SLC26A5: variants seen among roughly 807,000 people sequenced by gnomAD.
SLC26A5 encodes the protein prestin.
Under a neutral mutation model 81.0 loss-of-function variants are expected in SLC26A5, and 51 were observed. That is an observed-to-expected ratio of 0.63 (90% CI 0.50 to 0.80). The LOEUF (loss-of-function observed/expected upper bound fraction) is 0.80, where lower values mean the gene tolerates loss of function less well. Ranked by LOEUF, SLC26A5 falls within the 30% of genes least tolerant of loss-of-function variation. SLC26A5 has a pLI of 0.00. For missense variants in SLC26A5, 771 were observed against 905.8 expected (o/e 0.85, Z 1.91); for synonymous variants, 325 against 332.8 (o/e 0.98, Z 0.25).
intron 19 of SLC26A5, among the ~76,000 whole-genome samples, chr7:103,374,817 T>C (rs1821237493): frequency 6.6e-6 from 1 of 151,082 alleles, no homozygotes; most frequent in African/African-American, 2.4e-5. Context: ...ATAGTTTAAA[T>C]ATTAAAATGC....
At chr7:103,395,508 T>TAC (rs1823024925) in intron 9 of SLC26A5, among the ~76,000 whole-genome samples, 1 of 75,466 alleles carries the variant, frequency 1.3e-5, no homozygotes, top group East Asian at 3.8e-4. Flanking sequence ...TATGTATATA[T>TAC]ATATATATAT....
In SLC26A5 at chr7:103,445,677, C is replaced by T. The variant is rs112745560; in HGVS notation, c.-183+421G>A. On this transcript the variant is annotated intron_variant, in intron 1 of 19. Transcript: ENST00000306312. ...AGCCCGGCACAGGAGGAGGCAGGGCCCGTCTCCGGAAAGAGGGCCAGAGGC... is the reference window on the plus strand; with the variant it reads ...AGCCCGGCACAGGAGGAGGCAGGGCTCGTCTCCGGAAAGAGGGCCAGAGGC... The T allele has an allele frequency of 6.6e-5, 10 of 152,468 alleles. No individual in the cohort carries two copies. The South Asian group carries it at 1.0e-3, about 16-fold the overall frequency. The allele number at this position is 152,468 out of a possible 1,614,324, so 9.4% of individuals were successfully genotyped here. A position where few individuals can be genotyped will look rare whatever the true frequency, so the allele number is the denominator to read the frequency against.
rs533683818 is a variant in SLC26A5, at chr7:103,380,526, T to C, written c.1538A>G (p.Lys513Arg). The C allele has an allele frequency of 5.6e-6, 9 of 1,613,826 alleles. No homozygotes were observed. Among genetic ancestry groups the C allele is most frequent in the African/African-American group, 1.3e-5 (1 of 75,006 alleles). The change falls in exon 15 of 20, where the codon AAG (lysine) becomes AGG (arginine). Residue 513 changes from lysine (K) to arginine (R), a missense_variant. Coordinates refer to ENST00000306312, the MANE Select transcript of SLC26A5 (RefSeq NM_198999.3). Reference sequence around the variant, plus strand: ...AATATACACATCAGTTTCAGGAAGCTTTCCAAGGACTTTGTAGCTTGGACT... The same window carrying C: ...AATATACACATCAGTTTCAGGAAGCCTTCCAAGGACTTTGTAGCTTGGACT... ...TQSPSYKVLG[K>R]LPETDVYIDI...
rs143631437 is a variant in SLC26A5, at chr7:103,407,976, T to C, written c.763A>G (p.Lys255Glu). The C allele has an allele frequency of 6.2e-7, 1 of 1,614,148 alleles. No individual in the cohort carries two copies. Among genetic ancestry groups the C allele is most frequent in the Non-Finnish European group, 8.5e-7 (1 of 1,180,026 alleles). ...CCTAGGGAACACACGTTGAGGTTTT[T>C]AACATTCTGCAACACAGCAACTGTA... Reference protein sequence around the residue: ...YSTVAVLQNVKNLNVCSLGVG... With the variant: ...YSTVAVLQNVENLNVCSLGVG... Residue 255 changes from lysine to glutamate, a missense_variant, in exon 8 of 20, where the codon AAA (lysine) becomes GAA (glutamate). By Grantham distance (56) the Lys-to-Glu change is moderately conservative. Transcript: ENST00000306312.
intron 14 of SLC26A5, among the ~76,000 whole-genome samples, chr7:103,381,410 AAAC>A (rs1326237944): frequency 2.0e-5 from 3 of 151,012 alleles, no homozygotes; most frequent in African/African-American, 4.9e-5. Context: ...ACACAAACAC[AAAC>A]AATACACACA....
At chr7:103,377,192 C>T (rs989052035) in intron 18 of SLC26A5, among the ~76,000 whole-genome samples, 5 of 152,148 alleles carry the variant, frequency 3.3e-5, no homozygotes, top group Admixed American at 3.3e-4. Context: ...TTTACTCATG[C>T]TGGTCTTGAA....
chr7:103,400,782 C>T (rs190037903), intron 8 of SLC26A5, among the ~76,000 whole-genome samples: 2 of 152,264 alleles, frequency 1.3e-5, no homozygotes, highest in South Asian at 4.1e-4. Flanking sequence ...CCACATATGG[C>T]TAGCCAGTTT....
chr7:103,405,610 G>C (rs1175571710), intron 8 of SLC26A5, among the ~76,000 whole-genome samples: 1 of 152,192 alleles, frequency 6.6e-6, no homozygotes, highest in Non-Finnish European at 1.5e-5. Context: ...CCCTGGATGA[G>C]GTGTCTTTGG....
At chr7:103,384,147 A>C (rs1360010331) in intron 14 of SLC26A5, among the ~76,000 whole-genome samples, 1 of 151,984 alleles carries the variant, frequency 6.6e-6, no homozygotes, top group Non-Finnish European at 1.5e-5. Context: ...CAATAAAATA[A>C]AAAAAATTTT....
chr7:103,366,781 A>G (rs1268188105), intron 19 of SLC26A5, among the ~76,000 whole-genome samples: 2 of 152,198 alleles, frequency 1.3e-5, no homozygotes, highest in Non-Finnish European at 2.9e-5. Context: ...ATTTGATGAA[A>G]TACAGTATTA....
At chr7:103,372,202 A>G (rs1821083304), downstream of SLC26A5, among the ~76,000 whole-genome samples, 2 of 152,222 alleles carry the variant, frequency 1.3e-5, no homozygotes, top group Admixed American at 1.3e-4. Context: ...TCACTCTAGA[A>G]TTAGTTAAAG....
At chr7:103,420,649 T>C in intron 4 of SLC26A5, 89 bp downstream of exon 4, 1 of 1,508,004 alleles carries the variant, frequency 6.6e-7, no homozygotes, top group Middle Eastern at 1.7e-4. Flanking sequence ...ATGATAAAAA[T>C]TATGAATTTG....
intron 19 of SLC26A5, chr7:103,362,458 C>T: frequency 4.4e-6 from 6 of 1,372,692 alleles, no homozygotes; most frequent in Non-Finnish European, 5.6e-6. Flanking sequence ...AAAAAAATCT[C>T]CCCTCCCTCC....
intron 2 of SLC26A5, among the ~76,000 whole-genome samples, chr7:103,429,922 G>A (rs1279964060): frequency 6.6e-6 from 1 of 152,034 alleles, no homozygotes; most frequent in South Asian, 2.1e-4. Context: ...AAAAGTGATT[G>A]TGGTTTTTGC....
chr7:103,381,669 T>C (rs374593721), intron 14 of SLC26A5, among the ~76,000 whole-genome samples: 2 of 145,654 alleles, frequency 1.4e-5, no homozygotes, highest in African/African-American at 5.2e-5. Context: ...ACTACACACA[T>C]AATACACATA....
chr7:103,438,080 G>C (rs550765382), intron 2 of SLC26A5, among the ~76,000 whole-genome samples: 2 of 152,200 alleles, frequency 1.3e-5, no homozygotes, highest in African/African-American at 4.8e-5. Context: ...ATAGGAGAGT[G>C]GTGCCAGGAC....
At chr7:103,376,335 C>T (rs1481040999) in intron 19 of SLC26A5, among the ~76,000 whole-genome samples, 7 of 152,274 alleles carry the variant, frequency 4.6e-5, no homozygotes, top group Admixed American at 1.3e-4. Context: ...CTTGGCCTCC[C>T]GAAGTGCTGG....
intron 19 of SLC26A5, 85 bp from the exon 20 acceptor site, chr7:103,374,677 T>C (rs74932238): frequency 1.3e-6 from 1 of 771,846 alleles, no homozygotes; most frequent in African/African-American, 2.3e-5. Context: ...CCATATAGTG[T>C]TTTTTTTTTT....
intron 19 of SLC26A5, among the ~76,000 whole-genome samples, chr7:103,357,470 A>G (rs1820102391): frequency 6.6e-6 from 1 of 152,112 alleles, no homozygotes; most frequent in South Asian, 2.1e-4. Flanking sequence ...GGATATTGCT[A>G]TATCTTGTGT....
Sources: allele counts gnomAD v4.1 joint callset (sites outside exome capture counted in the v4.1 genomes callset), GRCh38; gene constraint gnomAD v4.1.1; transcripts MANE v1.5; gene names NCBI Gene and HGNC (gene_info 2026-07-23, HGNC 2026-07-21).